The following PTN variants were observed in gnomAD, a reference collection of about 807,000 sequenced individuals.
PTN encodes heparin affin regulatory protein.
A neutral mutation model predicts 24.1 loss-of-function variants in PTN; 18 were observed. The ratio of observed to expected loss-of-function variants is 0.75; its 90% confidence interval spans 0.52 to 1.11. The LOEUF (loss-of-function observed/expected upper bound fraction) is 1.11. Among genes scored for constraint, PTN ranks in the 50% least tolerant of loss-of-function variants. The pLI, the probability that PTN is intolerant of heterozygous loss-of-function variation, is 0.00. For missense variants in PTN, 163 were observed against 198.8 expected, an observed-to-expected ratio of 0.82 and a Z score of 1.08; for synonymous variants, 78 against 68.6, an observed-to-expected ratio of 1.14 and a Z score of -0.67.
intron 1 of PTN, among the ~76,000 whole-genome samples, chr7:137,269,662 CT>C (rs1276840306): frequency 1.1e-5 from 1 of 93,014 alleles, no homozygotes; most frequent in Admixed American, 1.7e-4. Flanking sequence ...GAGACGGAAT[CT>C]TGCTCTGTCA....
At chr7:137,321,432 G>T (rs1332700617) in intron 1 of PTN, among the ~76,000 whole-genome samples, 1 of 152,044 alleles carries the variant, frequency 6.6e-6, no homozygotes, top group Non-Finnish European at 1.5e-5. Flanking sequence ...ACCTAAAAAA[G>T]GTAATCCAAT....
intron 4 of PTN, among the ~76,000 whole-genome samples, chr7:137,244,572 T>C (rs1229888860): frequency 2.1e-5 from 3 of 145,294 alleles, no homozygotes; most frequent in African/African-American, 7.7e-5. Flanking sequence ...GATGTCCCCC[T>C]TCCTGTGTCC....
chr7:137,295,204 T>G (rs896131478), intron 1 of PTN, among the ~76,000 whole-genome samples: 1 of 152,166 alleles, frequency 6.6e-6, no homozygotes. Flanking sequence ...ATTCAATCAG[T>G]CATTACACAT....
At chr7:137,262,412 C>G (rs1022828016) in intron 1 of PTN, among the ~76,000 whole-genome samples, 9 of 152,034 alleles carry the variant, frequency 5.9e-5, no homozygotes, top group Non-Finnish European at 1.3e-4. Context: ...AGTTTTGTCA[C>G]CTCATTGCTG....
chr7:137,330,480 G>C (rs1230165710), intron 1 of PTN, among the ~76,000 whole-genome samples: 1 of 152,178 alleles, frequency 6.6e-6, no homozygotes, highest in East Asian at 1.9e-4. Flanking sequence ...GAAGGCACAT[G>C]TGCAGCAAAG....
intron 4 of PTN, among the ~76,000 whole-genome samples, chr7:137,243,679 A>T (rs1808672555): frequency 6.6e-6 from 1 of 152,122 alleles, no homozygotes; most frequent in African/African-American, 2.4e-5. Context: ...CTTAAATGAG[A>T]TGTGGAGGTA....
chr7:137,251,511 C>T (rs1808826715), intron 3 of PTN, 120 bp from the exon 4 acceptor site: 1 of 1,136,092 alleles, frequency 8.8e-7, no homozygotes, highest in Non-Finnish European at 1.3e-6. Context: ...CCATATGCAG[C>T]TATAAGAAAT....
At chr7:137,316,741 T>C (rs1332464253) in intron 1 of PTN, among the ~76,000 whole-genome samples, 2 of 152,176 alleles carry the variant, frequency 1.3e-5, no homozygotes, top group African/African-American at 2.4e-5. Context: ...GGTTGCAGAC[T>C]GGGCTGCCAG....
intron 4 of PTN, among the ~76,000 whole-genome samples, chr7:137,229,492 C>A (rs1808392412): frequency 6.6e-6 from 1 of 151,720 alleles, no homozygotes; most frequent in Non-Finnish European, 1.5e-5. Flanking sequence ...TTTTCCATTT[C>A]TATATACTAT....
intron 1 of PTN, among the ~76,000 whole-genome samples, chr7:137,310,714 A>G (rs1809967654): frequency 1.3e-5 from 2 of 152,116 alleles, no homozygotes; most frequent in Admixed American, 6.6e-5. Context: ...ATCTAACAGA[A>G]GTCTGTTTCA....
intron 1 of PTN, among the ~76,000 whole-genome samples, chr7:137,263,316 A>G (rs1217154487): frequency 6.6e-6 from 1 of 152,168 alleles, no homozygotes; most frequent in Admixed American, 6.5e-5. Flanking sequence ...CACATGTGCC[A>G]GTTTTGTCAT....
intron 1 of PTN, among the ~76,000 whole-genome samples, chr7:137,269,890 C>A (rs572548780): frequency 3.3e-5 from 5 of 152,252 alleles, no homozygotes; most frequent in African/African-American, 1.2e-4. Context: ...CTCTCCCTCC[C>A]AAAGTGCTGG....
At chr7:137,317,941 T>G (rs1810100424) in intron 1 of PTN, among the ~76,000 whole-genome samples, 1 of 152,116 alleles carries the variant, frequency 6.6e-6, no homozygotes, top group African/African-American at 2.4e-5. Flanking sequence ...AAGAAAATTT[T>G]CTAGACAAGA....
chr7:137,340,403 T>G (rs532100784), intron 1 of PTN, among the ~76,000 whole-genome samples: 4 of 152,330 alleles, frequency 2.6e-5, no homozygotes, highest in African/African-American at 9.6e-5. Flanking sequence ...CCATGAAAAC[T>G]ATGCCGCACA....
At chr7:137,283,383 C>T (rs1809503357) in intron 1 of PTN, among the ~76,000 whole-genome samples, 1 of 152,044 alleles carries the variant, frequency 6.6e-6, no homozygotes, top group Admixed American at 6.6e-5. Context: ...CATACAACTC[C>T]AGCTTTCATT....
intron 1 of PTN, among the ~76,000 whole-genome samples, chr7:137,286,376 G>C (rs1225107900): frequency 6.6e-6 from 1 of 152,080 alleles, no homozygotes; most frequent in African/African-American, 2.4e-5. Flanking sequence ...TGCTCCCTCT[G>C]GCCTACTGTT....
At chr7:137,257,378 T>C (rs1420398996) in intron 1 of PTN, among the ~76,000 whole-genome samples, 3 of 152,230 alleles carry the variant, frequency 2.0e-5, no homozygotes, top group Non-Finnish European at 4.4e-5. Context: ...GAAAAGTTTC[T>C]ACTGATTCTG....
intron 1 of PTN, among the ~76,000 whole-genome samples, chr7:137,281,054 T>C (rs370553484): frequency 6.6e-6 from 1 of 152,108 alleles, no homozygotes; most frequent in Non-Finnish European, 1.5e-5. Flanking sequence ...GAAATAATCA[T>C]TCATTTAAGA....
At chr7:137,273,841 C>T (rs1194216201) in intron 1 of PTN, among the ~76,000 whole-genome samples, 1 of 151,924 alleles carries the variant, frequency 6.6e-6, no homozygotes, top group Non-Finnish European at 1.5e-5. Flanking sequence ...ACCAAGGGGT[C>T]AGCTGCCATA....
Sources: gnomAD v4.1 joint callset for allele counts (sites outside exome capture counted in the v4.1 genomes callset) on GRCh38, gnomAD v4.1.1 for gene constraint, MANE v1.5 for transcripts, NCBI Gene and HGNC (gene_info 2026-07-23, HGNC 2026-07-21) for gene names.